Variants in ZPBP observed in about 807,000 individuals in gnomAD.
ZPBP encodes the protein zona pellucida-binding protein 1.
In ZPBP, 26 loss-of-function variants were observed where a neutral mutation model predicts 44.8. The ratio of observed to expected loss-of-function variants is 0.58; its 90% CI spans 0.43 to 0.81. The LOEUF is 0.81. Among genes scored for constraint, ZPBP ranks in the 30% least tolerant of loss-of-function variants. ZPBP has a pLI of 0.00. For missense variants in ZPBP, 409 were observed against 434.0 expected (o/e 0.94, Z 0.51); for synonymous variants, 174 against 153.2 (o/e 1.14, Z -1.00).
chr7:49,987,986 A>G (rs1028780520), intron 6 of ZPBP, among the ~76,000 whole-genome samples: 3 of 152,238 alleles, frequency 2.0e-5, no homozygotes, highest in Non-Finnish European at 2.9e-5. Flanking sequence ...TTTGAATTAG[A>G]TAAGATAAAG....
At chr7:49,920,793 T>A (rs968295514) in intron 1 of ZPBP, 1 of 152,182 alleles carries the variant, frequency 6.6e-6, no homozygotes, top group African/African-American at 2.4e-5. Context: ...AAAAAAAAAG[T>A]CATTTTAAAT....
intron 2 of ZPBP, among the ~76,000 whole-genome samples, chr7:49,880,222 CTCTTA>C: frequency 6.6e-6 from 1 of 152,134 alleles, no homozygotes; most frequent in South Asian, 2.1e-4. Context: ...AATGGTTTTT[CTCTTA>C]TATGTGTGGC....
chr7:50,051,582 G>A (rs1800699955), intron 4 of ZPBP, among the ~76,000 whole-genome samples: 1 of 152,096 alleles, frequency 6.6e-6, no homozygotes. Context: ...GTGATAGACT[G>A]GATAAAGAAA....
chr7:49,885,558 A>G (rs556403994), intron 2 of ZPBP, among the ~76,000 whole-genome samples: 1 of 152,370 alleles, frequency 6.6e-6, no homozygotes, highest in South Asian at 2.1e-4. Context: ...TACAAGAATT[A>G]TCTATTTCAA....
At chr7:49,920,242 G>A (rs776477508) in intron 1 of ZPBP, 2 of 151,880 alleles carry the variant, frequency 1.3e-5, no homozygotes, top group African/African-American at 4.8e-5. Context: ...TTTAATACAC[G>A]ATGAATCCTT....
At chr7:49,954,715 C>G (rs960617895) in intron 7 of ZPBP, among the ~76,000 whole-genome samples, 4 of 152,088 alleles carry the variant, frequency 2.6e-5, no homozygotes, top group African/African-American at 9.7e-5. Context: ...TAACTAGTTA[C>G]TGAGTTTCAA....
At chr7:49,920,929 A>G (rs1793991439) in intron 1 of ZPBP, 1 of 152,202 alleles carries the variant, frequency 6.6e-6, no homozygotes, top group Non-Finnish European at 1.5e-5. Flanking sequence ...TACTTATTAC[A>G]TTTATGAATT....
chr7:49,967,963 A>C (rs1240227969), intron 7 of ZPBP, among the ~76,000 whole-genome samples: 1 of 152,156 alleles, frequency 6.6e-6, no homozygotes, highest in Non-Finnish European at 1.5e-5. Flanking sequence ...TGTATGTTCA[A>C]ATACTAACTC....
downstream of ZPBP, among the ~76,000 whole-genome samples, chr7:49,849,580 T>C (rs1286464893): frequency 2.6e-5 from 4 of 152,238 alleles, no homozygotes; most frequent in Non-Finnish European, 5.9e-5. Context: ...ACGCTGCCTC[T>C]TTTTGTTTCA....
intron 3 of ZPBP, among the ~76,000 whole-genome samples, chr7:50,068,198 C>A (rs943340787): frequency 6.6e-6 from 1 of 152,078 alleles, no homozygotes; most frequent in Non-Finnish European, 1.5e-5. Flanking sequence ...GTGGCAGAAC[C>A]TTGCTGCCCT....
In ZPBP at chr7:49,958,209, G is replaced by A. The variant is rs983395462; in HGVS notation, c.962-20587C>T. Among the ~76,000 whole-genome samples, 16 of 152,004 alleles carry A rather than the reference G, an allele frequency of 1.1e-4. 1 individual carries two copies. The highest frequency in any genetic ancestry group is 2.2e-4 in the Non-Finnish European group (15 of 68,008). ...CAGGATGTATTGTGTCTTGAGTCTC[G>A]CCCACATACATCTGATTTAGATGAG... On this transcript the variant is annotated intron_variant, in intron 7 of 7. Coordinates refer to ENST00000046087, the MANE Select transcript of ZPBP (RefSeq NM_007009.3).
rs1321886972 is a variant in ZPBP at position 49,955,414 on chromosome 7, G to A, written c.962-17792C>T. On this transcript the variant is annotated intron_variant, in intron 7 of 7. Transcript: ENST00000046087. The stretch of plus-strand genomic sequence containing the variant: ...TCTACTAAAAAAACAAAAATTAGCT[G>A]GGTGTGCTGGTGTGTGCCTTTAATC... Among the ~76,000 whole-genome samples the A allele has an allele frequency of 2.0e-5, 3 of 152,032 alleles. No homozygotes were observed. In the East Asian group the frequency reaches 5.8e-4, roughly 29 times the overall value.
intron 7 of ZPBP, among the ~76,000 whole-genome samples, chr7:49,962,053 G>T (rs774955337): frequency 6.6e-6 from 1 of 151,918 alleles, no homozygotes; most frequent in African/African-American, 2.4e-5. Context: ...TCCGTTGACA[G>T]CTTCAATGAA....
rs562030183 is a variant in ZPBP at position 49,937,475 on chromosome 7, T to A, written c.*53A>T. The A allele has an allele frequency of 4.6e-6, 6 of 1,315,574 alleles. No homozygotes were observed. In the South Asian group the frequency reaches 7.3e-5, roughly 16 times the overall value. 81.5% of individuals were successfully genotyped at this position (1,315,574 alleles called of 1,614,324 possible). A position where few individuals can be genotyped will look rare whatever the true frequency, so the allele number is the denominator to read the frequency against. On this transcript the variant is annotated 3_prime_UTR_variant, in exon 8 of 8. Coordinates refer to ENST00000046087, the MANE Select transcript of ZPBP (RefSeq NM_007009.3). ...GCATAATAATTTATTATGTTAATAT[T>A]TCAAATATATACTTTGCATTTAATA... is the stretch of plus-strand genomic sequence containing the variant.
At chr7:49,915,436 G>A in intron 1 of ZPBP, 1 of 152,174 alleles carries the variant, frequency 6.6e-6, no homozygotes, top group East Asian at 1.9e-4. Flanking sequence ...GCAGTTTTAA[G>A]TTCATAACAT....
intron 2 of ZPBP, among the ~76,000 whole-genome samples, chr7:49,883,458 A>G (rs1350352917): frequency 1.3e-5 from 2 of 152,228 alleles, no homozygotes; most frequent in Non-Finnish European, 2.9e-5. Context: ...ATAATGATAT[A>G]TCCATGGCAT....
At chr7:49,918,877 T>A (rs887261531) in intron 1 of ZPBP, 6 of 151,980 alleles carry the variant, frequency 3.9e-5, no homozygotes, top group Non-Finnish European at 8.8e-5. Context: ...CTGACCAACA[T>A]GTGAAACCCC....
At chr7:49,852,741 G>C (rs566618243) in intron 2 of ZPBP, among the ~76,000 whole-genome samples, 2 of 152,096 alleles carry the variant, frequency 1.3e-5, no homozygotes, top group African/African-American at 4.8e-5. Flanking sequence ...TTAAGTGATC[G>C]TCTTAATCAA....
chr7:49,852,599 A>G lies in ZPBP; in HGVS notation n.510-2085T>C, dbSNP rs113324326. Among the ~76,000 whole-genome samples the G allele has an allele frequency of 1.8e-3, 269 of 152,114 alleles. 3 individuals are homozygous for G. Among genetic ancestry groups the G allele is most frequent in the African/African-American group, 6.1e-3 (252 of 41,486 alleles). On this transcript the variant is annotated intron_variant and non_coding_transcript_variant, in intron 2 of 2. Transcript: ENST00000465922. Reference sequence around the variant, plus strand: ...TTTCCTGTTTCTGTGGCTTTTTGAGAAGTGATGTTTGTGAGGAGTGAGGGG... The same window carrying G: ...TTTCCTGTTTCTGTGGCTTTTTGAGGAGTGATGTTTGTGAGGAGTGAGGGG...
Sources: gnomAD v4.1 joint callset for allele counts (sites outside exome capture counted in the v4.1 genomes callset) on GRCh38, gnomAD v4.1.1 for gene constraint, MANE v1.5 for transcripts, NCBI Gene and HGNC (gene_info 2026-07-23, HGNC 2026-07-21) for gene names.